Variants in PTPN9 observed in about 807,000 individuals in gnomAD.
PTPN9 encodes tyrosine-protein phosphatase non-receptor type 9.
Under a neutral mutation model 69.8 loss-of-function variants are expected in PTPN9, and 26 were observed. The observed-to-expected ratio is 0.37, with a 90% CI of 0.27 to 0.52. The LOEUF (loss-of-function observed/expected upper bound fraction) is 0.52. Ranked by LOEUF, PTPN9 falls within the 20% of genes least tolerant of loss-of-function variation. The pLI, the probability that PTPN9 is intolerant of heterozygous loss-of-function variation, is 0.91. For synonymous variants in PTPN9, 274 were observed against 272.5 expected, an observed-to-expected ratio of 1.01 and a Z score of -0.05; for missense variants, 549 against 740.3, an observed-to-expected ratio of 0.74 and a Z score of 3.00.
chr15:75,567,018 C>CT (rs1328027375), intron 1 of PTPN9, among the ~76,000 whole-genome samples: 3,006 of 137,654 alleles, frequency 0.022, 86 homozygotes, highest in African/African-American at 0.069. Flanking sequence ...CATTTTTTTT[C>CT]TTTTTTTTTT....
intron 9 of PTPN9, among the ~76,000 whole-genome samples, chr15:75,479,104 C>T (rs1352542295): frequency 3.3e-5 from 5 of 152,124 alleles, no homozygotes; most frequent in African/African-American, 1.2e-4. Context: ...GTCAGGAGTT[C>T]GAGACCAGCC....
intron 1 of PTPN9, among the ~76,000 whole-genome samples, chr15:75,571,651 C>G (rs1388619365): frequency 1.3e-5 from 2 of 151,950 alleles, no homozygotes; most frequent in Non-Finnish European, 2.9e-5. Context: ...AATCCCAGCA[C>G]TTTGGGAGGC....
chr15:75,514,564 C>T (rs1275498588), intron 5 of PTPN9, among the ~76,000 whole-genome samples: 1 of 152,014 alleles, frequency 6.6e-6, no homozygotes, highest in Non-Finnish European at 1.5e-5. Context: ...GGCAACAGAG[C>T]AAGACCTGGT....
At chr15:75,544,925 C>T (rs1349789976) in intron 1 of PTPN9, among the ~76,000 whole-genome samples, 4 of 152,126 alleles carry the variant, frequency 2.6e-5, no homozygotes, top group Non-Finnish European at 1.5e-5. Context: ...AACATTCTTA[C>T]CCTTCCTCTA....
rs1268463192 is a variant in PTPN9 at position 75,466,986 on chromosome 15, T to A, written c.*1783A>T. ...ATAGGGCCATGGCCTACAGACAAGG[T>A]GAACTCATAGTGTCAGAACTCAAAG... is the stretch of plus-strand genomic sequence containing the variant. On this transcript the variant is annotated 3_prime_UTR_variant, in exon 13 of 13. Coordinates refer to ENST00000618819, the MANE Select transcript of PTPN9 (RefSeq NM_002833.4). 1 of 152,190 alleles carries A rather than the reference T, an allele frequency of 6.6e-6. No individual in the cohort carries two copies. The highest frequency in any genetic ancestry group is 1.5e-5 in the Non-Finnish European group (1 of 68,084). 9.4% of individuals were successfully genotyped at this position (152,190 alleles called of 1,614,324 possible).
chr15:75,502,624 G>A (rs963141703), intron 7 of PTPN9, among the ~76,000 whole-genome samples: 1 of 152,090 alleles, frequency 6.6e-6, no homozygotes, highest in African/African-American at 2.4e-5. Context: ...TAGGATTTGA[G>A]TAGAATGAAA....
At chr15:75,560,752 G>A (rs1423869650) in intron 1 of PTPN9, among the ~76,000 whole-genome samples, 2 of 152,180 alleles carry the variant, frequency 1.3e-5, no homozygotes, top group Admixed American at 6.5e-5. Flanking sequence ...CAGGCGCGGT[G>A]GCTCACACCT....
intron 1 of PTPN9, among the ~76,000 whole-genome samples, chr15:75,571,843 G>A (rs535283765): frequency 3.0e-4 from 46 of 152,094 alleles, no homozygotes; most frequent in African/African-American, 1.0e-3. Context: ...GTGCCATTGT[G>A]CTCCAGCCTG....
chr15:75,468,242 GCACA>G lies in PTPN9; in HGVS notation c.*523_*526del, dbSNP rs141871316. On this transcript the variant is annotated 3_prime_UTR_variant, in exon 13 of 13. Transcript: ENST00000618819. Reference sequence around the variant, plus strand: ...TACATATGGACCCATACACATAAGTGCACACACACACACACACAGAATGACAGAA... The same window carrying G: ...TACATATGGACCCATACACATAAGTGCACACACACACACAGAATGACAGAA... The G allele has an allele frequency of 7.6e-5, 12 of 157,426 alleles. No individual in the cohort carries two copies. The highest frequency in any genetic ancestry group is 2.4e-4 in the Admixed American group (4 of 16,652). The allele number at this position is 157,426 out of a possible 1,614,324, so 9.8% of individuals were successfully genotyped here.
At chr15:75,548,109 T>G (rs537038742) in intron 1 of PTPN9, among the ~76,000 whole-genome samples, 1 of 152,150 alleles carries the variant, frequency 6.6e-6, no homozygotes. Flanking sequence ...GTTAGGTAAC[T>G]TGTCCAAAGT....
intron 1 of PTPN9, among the ~76,000 whole-genome samples, chr15:75,557,920 C>T (rs2075084399): frequency 6.6e-6 from 1 of 152,164 alleles, no homozygotes; most frequent in Non-Finnish European, 1.5e-5. Context: ...ATGGGCTGGG[C>T]GCGGTGGCAC....
chr15:75,545,934 C>T (rs2075030580), intron 1 of PTPN9, among the ~76,000 whole-genome samples: 1 of 152,010 alleles, frequency 6.6e-6, no homozygotes, highest in Non-Finnish European at 1.5e-5. Flanking sequence ...GGTGACAGAG[C>T]AAGATTCTGT....
At chr15:75,516,741 C>CTTTTTTTTTTTT (rs34906409) in intron 5 of PTPN9, among the ~76,000 whole-genome samples, 6 of 87,942 alleles carry the variant, frequency 6.8e-5, no homozygotes, top group African/African-American at 3.1e-4. Context: ...TGTTCCTGTG[C>CTTTTTTTTTTTT]TTTTTTTTTT....
chr15:75,489,961 A>G (rs1295680963), intron 8 of PTPN9, among the ~76,000 whole-genome samples: 2 of 152,200 alleles, frequency 1.3e-5, no homozygotes, highest in African/African-American at 4.8e-5. Context: ...AGCACCTACA[A>G]TACAACAGAC....
At chr15:75,482,384 T>C (rs1463797909) in intron 8 of PTPN9, among the ~76,000 whole-genome samples, 3 of 151,876 alleles carry the variant, frequency 2.0e-5, no homozygotes, top group Non-Finnish European at 2.9e-5. Context: ...GCTAACACGG[T>C]GAAACCCCGT....
Position 75,470,848 on chromosome 15 carries a change from A to G in PTPN9, c.1209-18T>C. Reference sequence around the variant, plus strand: ...CCTCAAAGCTGAAGACACACAGAGCAAGGTAAGCCTTCCATCGTTCCTCTC... The same window carrying G: ...CCTCAAAGCTGAAGACACACAGAGCGAGGTAAGCCTTCCATCGTTCCTCTC... On this transcript the variant is annotated intron_variant, in intron 10 of 12. Coordinates refer to ENST00000618819, the MANE Select transcript of PTPN9 (RefSeq NM_002833.4). 6.2e-7 allele frequency: 1 copy of G among 1,611,356 alleles called. No homozygotes were observed. The highest frequency in any genetic ancestry group is 8.5e-7 in the Non-Finnish European group (1 of 1,178,566).
In PTPN9 at chr15:75,470,719, A is replaced by G; in HGVS notation, c.1320T>C (p.Asn440=). 6.2e-7 allele frequency: 1 copy of G among 1,614,184 alleles called. No homozygotes were observed. The highest frequency in any genetic ancestry group is 8.5e-7 in the Non-Finnish European group (1 of 1,180,028). The change falls in exon 11 of 13, where the codon AAT becomes AAC. Residue 440 remains asparagine, a synonymous_variant. Coordinates refer to ENST00000618819, the MANE Select transcript of PTPN9 (RefSeq NM_002833.4). ...TVTNLGVENM[N]HYKKTTLEIH... ...TTTCTAGCGTTGTTTTCTTATAATG[A>G]TTCATGTTCTCCACGCCTAGATTGG... is the stretch of plus-strand genomic sequence containing the variant.
intron 1 of PTPN9, among the ~76,000 whole-genome samples, chr15:75,544,508 T>C (rs1415403370): frequency 6.6e-6 from 1 of 152,110 alleles, no homozygotes; most frequent in Non-Finnish European, 1.5e-5. Flanking sequence ...CCAGCCTGGG[T>C]GACAGAGCAG....
chr15:75,515,932 T>C (rs2074867446), intron 5 of PTPN9, among the ~76,000 whole-genome samples: 1 of 151,720 alleles, frequency 6.6e-6, no homozygotes, highest in African/African-American at 2.4e-5. Context: ...TAAAACAAAA[T>C]AAAATAAAAA....
Sources: gnomAD v4.1 joint callset for allele counts (sites outside exome capture counted in the v4.1 genomes callset) on GRCh38, gnomAD v4.1.1 for gene constraint, MANE v1.5 for transcripts, NCBI Gene and HGNC (gene_info 2026-07-23, HGNC 2026-07-21) for gene names.